The following ST18 variants were observed in gnomAD, a reference collection of about 807,000 sequenced individuals.
ST18 encodes the protein ST18 C2H2C-type zinc finger transcription factor.
Under a neutral mutation model 110.0 loss-of-function variants are expected in ST18, and 50 were observed. That is an observed-to-expected ratio of 0.45 (90% CI 0.36 to 0.58). The LOEUF is 0.58. Ranked by LOEUF, ST18 falls within the 20% of genes least tolerant of loss-of-function variation. ST18 has a pLI of 0.00. For missense variants in ST18, 1,306 were observed against 1,280.1 expected, an observed-to-expected ratio of 1.02 and a Z score of -0.31; for synonymous variants, 461 against 452.4, an observed-to-expected ratio of 1.02 and a Z score of -0.24.
intron 2 of ST18, among the ~76,000 whole-genome samples, chr8:52,288,957 T>C (rs559408850): frequency 6.6e-6 from 1 of 152,256 alleles, no homozygotes; most frequent in Admixed American, 6.5e-5. Flanking sequence ...TAGAGATTCA[T>C]GGCACGTGTG....
At chr8:52,287,796 G>T (rs750367715) in intron 2 of ST18, among the ~76,000 whole-genome samples, 1 of 152,158 alleles carries the variant, frequency 6.6e-6, no homozygotes, top group Non-Finnish European at 1.5e-5. Context: ...TTTTAAAAAT[G>T]CAGTTACATA....
intron 23 of ST18, among the ~76,000 whole-genome samples, chr8:52,119,276 AAGG>A (rs2043739044): frequency 6.6e-6 from 1 of 152,196 alleles, no homozygotes; most frequent in South Asian, 2.1e-4. Flanking sequence ...TACTTTGTAG[AAGG>A]AGTATGACTA....
chr8:52,138,816 C>A (rs1333533988), intron 17 of ST18, among the ~76,000 whole-genome samples: 1 of 152,104 alleles, frequency 6.6e-6, no homozygotes, highest in African/African-American at 2.4e-5. Flanking sequence ...TTTTTGACAT[C>A]CTGCCTAAAG....
intron 2 of ST18, among the ~76,000 whole-genome samples, chr8:52,353,443 A>G (rs918034781): frequency 6.6e-5 from 10 of 152,346 alleles, no homozygotes; most frequent in Admixed American, 2.0e-4. Context: ...CTAGACGCTG[A>G]GAGGAGATAA....
intron 2 of ST18, chr8:52,404,698 C>CT (rs1229304192): frequency 1.3e-5 from 2 of 152,186 alleles, no homozygotes; most frequent in African/African-American, 4.8e-5. Flanking sequence ...ATTTCTACCA[C>CT]TTCCCCATCT....
intron 15 of ST18, 21 bp from the exon 16 acceptor site, chr8:52,149,998 G>GA (rs1191496570): frequency 3.7e-6 from 6 of 1,603,004 alleles, no homozygotes; most frequent in Non-Finnish European, 5.1e-6. Context: ...ATAGGAAACA[G>GA]AAAAACATTT....
At chr8:52,135,568 CAAAAAAAAAAA>C (rs71252929) in intron 19 of ST18, among the ~76,000 whole-genome samples, 1 of 56,166 alleles carries the variant, frequency 1.8e-5, no homozygotes, top group African/African-American at 5.6e-5. Context: ...AACTCCATCT[CAAAAAAAAAAA>C]AAAAAAAAAA....
chr8:52,155,603 G>A (rs890328), intron 15 of ST18, among the ~76,000 whole-genome samples: 8,660 of 152,172 alleles, frequency 0.057, 400 homozygotes, highest in African/African-American at 0.12. Flanking sequence ...GATCAGTGAC[G>A]TCTTCCAGTT....
chr8:52,393,371 C>T (rs893724962), intron 2 of ST18, among the ~76,000 whole-genome samples: 8 of 152,144 alleles, frequency 5.3e-5, no homozygotes, highest in African/African-American at 1.9e-4. Context: ...CATGTGCAGC[C>T]AGCATCACCA....
intron 2 of ST18, among the ~76,000 whole-genome samples, chr8:52,408,266 G>A (rs966385644): frequency 5.3e-5 from 8 of 152,150 alleles, no homozygotes; most frequent in African/African-American, 1.9e-4. Context: ...AATTATTTAG[G>A]TTTATCTGAA....
At chr8:52,370,262 C>A (rs1191841706) in intron 2 of ST18, among the ~76,000 whole-genome samples, 4 of 152,090 alleles carry the variant, frequency 2.6e-5, no homozygotes, top group African/African-American at 9.7e-5. Flanking sequence ...AAACAAAGGG[C>A]CAAAGTAGGT....
In ST18 at chr8:52,326,391, G is replaced by A. The variant is rs571929985; in HGVS notation, c.-465+82937C>T. Among the ~76,000 whole-genome samples the A allele has an allele frequency of 2.6e-5, 4 of 152,278 alleles. No individual in the cohort carries two copies. In the South Asian group the frequency reaches 6.2e-4, roughly 24 times the overall value. On this transcript the variant is annotated intron_variant, in intron 2 of 25. Coordinates refer to ENST00000689386, the MANE Select transcript of ST18 (RefSeq NM_001352837.2). The stretch of plus-strand genomic sequence containing the variant: ...CTTTAGGCGCCACCATGTAGGAAAT[G>A]TTTATTGGTGTGACCTTTGGTTTAG...
At position 52,137,339 on chromosome 8, in the gene ST18, A is replaced by G. The variant is rs561855759; in HGVS notation, c.2231+82T>C. Reference sequence around the variant, plus strand: ...CAACTCATTTCCTGCTTCAGATAATACATGGATAGAAAGGGTGAGAATAAG... The same window carrying G: ...CAACTCATTTCCTGCTTCAGATAATGCATGGATAGAAAGGGTGAGAATAAG... On this transcript the variant is annotated intron_variant, in intron 18 of 25. Coordinates refer to ENST00000689386, the MANE Select transcript of ST18 (RefSeq NM_001352837.2). The G allele has an allele frequency of 6.2e-6, 9 of 1,440,040 alleles. No homozygotes were observed. The African/African-American group carries it at 1.1e-4, about 18-fold the overall frequency. 89.2% of individuals were successfully genotyped at this position (1,440,040 alleles called of 1,614,324 possible).
chr8:52,161,576 G>T lies in ST18; in HGVS notation c.1401-8C>A, dbSNP rs1199580693. The T allele has an allele frequency of 1.9e-6, 3 of 1,613,510 alleles. No homozygotes were observed. The highest frequency in any genetic ancestry group is 1.3e-5 in the African/African-American group (1 of 74,908). ...TGCTTCACCAAACTTGTCCTGGAGA[G>T]GGGGGTGAAGCAGTTCAAAAGAAAT... is the stretch of plus-strand genomic sequence containing the variant. On this transcript the variant is annotated splice_polypyrimidine_tract_variant and splice_region_variant and intron_variant, in intron 13 of 25. Coordinates refer to ENST00000689386, the MANE Select transcript of ST18 (RefSeq NM_001352837.2).
intron 16 of ST18, 23 bp downstream of exon 16, chr8:52,149,709 T>C: frequency 6.2e-7 from 1 of 1,607,286 alleles, no homozygotes; most frequent in Non-Finnish European, 8.5e-7. Context: ...TTCAACTTAT[T>C]GATTGACATA....
chr8:52,344,076 T>C (rs1431842312), intron 2 of ST18, among the ~76,000 whole-genome samples: 2 of 152,212 alleles, frequency 1.3e-5, no homozygotes, highest in African/African-American at 4.8e-5. Context: ...AATAGCTATA[T>C]AATAGCTGTA....
rs776687246 is a variant in ST18 at position 52,118,444 on chromosome 8, G to A, written c.2756-3C>T. 2 of 1,561,726 alleles carry A rather than the reference G, an allele frequency of 1.3e-6. No individual in the cohort carries two copies. The highest frequency in any genetic ancestry group is 1.8e-6 in the Non-Finnish European group (2 of 1,139,154). ...AATTTCTTCATCACTCTCTATTCCT[G>A]TAAAGAGTAAGACTACCTTAGTTCA... On this transcript the variant is annotated splice_polypyrimidine_tract_variant and splice_region_variant and intron_variant, in intron 23 of 25. Transcript: ENST00000689386.
Position 52,110,845 on chromosome 8 carries a change from C to T in ST18, c.*2353G>A. The stretch of plus-strand genomic sequence containing the variant: ...GAAAGATCACATCAAAACTCGTTAT[C>T]AATTTTTATTTCCTACCATACACCA... On this transcript the variant is annotated 3_prime_UTR_variant, in exon 26 of 26. Coordinates refer to ENST00000689386, the MANE Select transcript of ST18 (RefSeq NM_001352837.2). The T allele has an allele frequency of 2.6e-6, 1 of 379,752 alleles. No homozygotes were observed. The highest frequency in any genetic ancestry group is 2.1e-5 in the African/African-American group (1 of 48,290). 23.5% of individuals were successfully genotyped at this position (379,752 alleles called of 1,614,324 possible).
At chr8:52,322,675 G>A (rs762880460) in intron 2 of ST18, among the ~76,000 whole-genome samples, 16 of 152,242 alleles carry the variant, frequency 1.1e-4, no homozygotes, top group African/African-American at 3.1e-4. Flanking sequence ...GCTCCTTCAC[G>A]TGAAGGCATT....
Sources: allele counts gnomAD v4.1 joint callset (sites outside exome capture counted in the v4.1 genomes callset), GRCh38; gene constraint gnomAD v4.1.1; transcripts MANE v1.5; gene names NCBI Gene and HGNC (gene_info 2026-07-23, HGNC 2026-07-21).